Variants in SYT2 observed in about 807,000 individuals in gnomAD.
SYT2 encodes the protein synaptotagmin-2.
A neutral mutation model predicts 39.9 loss-of-function variants in SYT2; 15 were observed. The ratio of observed to expected loss-of-function variants is 0.38; its 90% CI spans 0.25 to 0.58. The LOEUF is 0.58. Ranked by LOEUF, SYT2 falls within the 20% of genes least tolerant of loss-of-function variation. The pLI, the probability that SYT2 is intolerant of heterozygous loss-of-function variation, is 0.70. For missense variants in SYT2, 389 were observed against 530.3 expected, an observed-to-expected ratio of 0.73 and a Z score of 2.62; for synonymous variants, 181 against 204.5, an observed-to-expected ratio of 0.89 and a Z score of 0.98.
At chr1:202,693,215 T>G (rs1653884010) in intron 1 of SYT2, among the ~76,000 whole-genome samples, 1 of 152,176 alleles carries the variant, frequency 6.6e-6, no homozygotes, top group African/African-American at 2.4e-5. Context: ...CTGTTGGGGT[T>G]TCCAGAATTG....
At chr1:202,689,162 T>G (rs1653755383) in intron 1 of SYT2, among the ~76,000 whole-genome samples, 1 of 152,174 alleles carries the variant, frequency 6.6e-6, no homozygotes, top group Non-Finnish European at 1.5e-5. Flanking sequence ...GGGGCTGGTG[T>G]GGCTGGACCA....
At chr1:202,691,592 G>A (rs1378916092) in intron 1 of SYT2, among the ~76,000 whole-genome samples, 3 of 151,350 alleles carry the variant, frequency 2.0e-5, no homozygotes, top group Admixed American at 6.6e-5. Context: ...CGAGGTTGCA[G>A]TGAGCTGAAA....
intron 1 of SYT2, among the ~76,000 whole-genome samples, chr1:202,705,361 G>A (rs1234891529): frequency 6.6e-6 from 1 of 152,256 alleles, no homozygotes; most frequent in Non-Finnish European, 1.5e-5. Flanking sequence ...AGGAGGCGCA[G>A]GGAGGAGCCC....
intron 1 of SYT2, among the ~76,000 whole-genome samples, chr1:202,657,733 G>C (rs1341586655): frequency 6.6e-6 from 1 of 152,022 alleles, no homozygotes; most frequent in African/African-American, 2.4e-5. Flanking sequence ...ACAGCCCTGG[G>C]ATCCCCTCAC....
chr1:202,650,232 C>T (rs1041782315), intron 1 of SYT2, among the ~76,000 whole-genome samples: 4 of 152,152 alleles, frequency 2.6e-5, no homozygotes, highest in South Asian at 2.1e-4. Flanking sequence ...GAGTGAGCCC[C>T]GTGTTCCAGG....
chr1:202,642,247 C>G (rs1383277396), intron 1 of SYT2, among the ~76,000 whole-genome samples: 1 of 152,098 alleles, frequency 6.6e-6, no homozygotes, highest in Non-Finnish European at 1.5e-5. Flanking sequence ...CTTTGACACC[C>G]CCTGCCCCGG....
In SYT2 at chr1:202,681,392, C is replaced by T. The variant is rs563316160; in HGVS notation, c.-18+28866G>A. On this transcript the variant is annotated intron_variant, in intron 1 of 8. Transcript: ENST00000367268. The stretch of plus-strand genomic sequence containing the variant: ...GAATCCTCCACCGCCACTGGTGTCT[C>T]GTCTTATTTAACTGGAGAAATCCCC... Among the ~76,000 whole-genome samples the T allele has an allele frequency of 2.0e-5, 3 of 152,322 alleles. No homozygotes were observed. In the East Asian group the frequency reaches 5.8e-4, roughly 29 times the overall value.
rs1420432558 is a variant in SYT2, at chr1:202,592,415, A to G, written c.*4342T>C. The G allele has an allele frequency of 6.6e-6, 1 of 152,578 alleles. No individual in the cohort carries two copies. The highest frequency in any genetic ancestry group is 6.5e-5 in the Admixed American group (1 of 15,286). 9.5% of individuals were successfully genotyped at this position (152,578 alleles called of 1,614,324 possible). A position where few individuals can be genotyped will look rare whatever the true frequency, so the allele number is the denominator to read the frequency against. ...GAGGAGGCAGGGGTGGGGCTGGGGA[A>G]CAAAGACTTTACACGACATAAAATC... is the stretch of plus-strand genomic sequence containing the variant. On this transcript the variant is annotated 3_prime_UTR_variant, in exon 9 of 9. Transcript: ENST00000367268.
Position 202,599,810 on chromosome 1 carries a change from A to G in SYT2, c.920-459T>C, listed in dbSNP as rs1010479740. 3.9e-5 allele frequency among the ~76,000 whole-genome samples: 6 copies of G among 152,194 alleles called. No individual in the cohort carries two copies. Among genetic ancestry groups the G allele is most frequent in the Non-Finnish European group, 7.3e-5 (5 of 68,030 alleles). On this transcript the variant is annotated intron_variant, in intron 7 of 8. Coordinates refer to ENST00000367268, the MANE Select transcript of SYT2 (RefSeq NM_177402.5). This position sits in a 1 kb window ranked among gnomAD's most constrained non-coding sequence, Gnocchi z 4.4. The stretch of plus-strand genomic sequence containing the variant: ...GTGACAGAGCCAGGCTGGCACTGAA[A>G]CGCGCTGGTTGGAGCCCATGCCCAG...
At chr1:202,630,443 G>A (rs573124817) in intron 1 of SYT2, 1 of 971,648 alleles carries the variant, frequency 1.0e-6, no homozygotes, top group Admixed American at 6.1e-5. Context: ...TAGAACCAGG[G>A]AGCCACTGAG....
Position 202,591,233 on chromosome 1 carries a change from A to C in SYT2, c.*5524T>G, listed in dbSNP as rs1260587602. On this transcript the variant is annotated 3_prime_UTR_variant, in exon 9 of 9. Coordinates refer to ENST00000367268, the MANE Select transcript of SYT2 (RefSeq NM_177402.5). ...ACTTCTGTTGTGGTTTGTGCAGGGC[A>C]AGCCTGCCTCGCCACCTCTGGCCTC... 3 of 152,430 alleles carry C rather than the reference A, an allele frequency of 2.0e-5. No individual in the cohort carries two copies. The highest frequency in any genetic ancestry group is 4.4e-5 in the Non-Finnish European group (3 of 68,202). 9.4% of individuals were successfully genotyped at this position (152,430 alleles called of 1,614,324 possible).
intron 1 of SYT2, among the ~76,000 whole-genome samples, chr1:202,642,173 GT>G (rs977112861): frequency 6.6e-6 from 1 of 151,828 alleles, no homozygotes; most frequent in Non-Finnish European, 1.5e-5. Flanking sequence ...GTTGCCCAAG[GT>G]CATAGGACAG....
intron 1 of SYT2, chr1:202,639,659 A>G (rs1691846248): frequency 1.0e-6 from 1 of 985,428 alleles, no homozygotes. Context: ...TTCCCTCATC[A>G]TCAGGAGCCT....
intron 1 of SYT2, among the ~76,000 whole-genome samples, chr1:202,638,050 G>A (rs1456465708): frequency 1.3e-5 from 2 of 152,226 alleles, no homozygotes; most frequent in African/African-American, 4.8e-5. Flanking sequence ...CCTCACATGA[G>A]CCCTTCCTGC....
chr1:202,602,080 G>C, intron 5 of SYT2, 23 bp from the exon 6 acceptor site: 1 of 1,613,106 alleles, frequency 6.2e-7, no homozygotes, highest in Non-Finnish European at 8.5e-7. Context: ...AGCAGAATCA[G>C]AGGGGGCCAG....
At chr1:202,705,724 T>TTTA (rs1404317401) in intron 1 of SYT2, among the ~76,000 whole-genome samples, 2 of 148,168 alleles carry the variant, frequency 1.3e-5, no homozygotes, top group East Asian at 3.9e-4. Flanking sequence ...TGGGAGTCCT[T>TTTA]TTTTTTTTTT....
At chr1:202,664,840 G>A (rs1692453037) in intron 1 of SYT2, among the ~76,000 whole-genome samples, 1 of 152,140 alleles carries the variant, frequency 6.6e-6, no homozygotes, top group Non-Finnish European at 1.5e-5. Flanking sequence ...TGTATTTTTA[G>A]TAGAGACAGG....
chr1:202,702,299 G>A (rs2149121977), intron 1 of SYT2, among the ~76,000 whole-genome samples: 1 of 152,326 alleles, frequency 6.6e-6, no homozygotes, highest in South Asian at 2.1e-4. Flanking sequence ...AACCAGCACA[G>A]TTCCCAGCAT....
At chr1:202,630,472 G>A (rs1320908448) in intron 1 of SYT2, 2 of 873,318 alleles carry the variant, frequency 2.3e-6, no homozygotes, top group African/African-American at 3.6e-5. Context: ...TCCTGGAAGA[G>A]CAGCAGGGAG....
Sources: gnomAD v4.1 joint callset for allele counts (sites outside exome capture counted in the v4.1 genomes callset) on GRCh38, gnomAD v4.1.1 for gene constraint, Gnocchi (gnomAD v3.1) non-coding constraint, MANE v1.5 for transcripts, NCBI Gene and HGNC (gene_info 2026-07-23, HGNC 2026-07-21) for gene names.